Variants in CLDN16 observed in about 807,000 individuals in gnomAD.
The protein encoded by CLDN16 is claudin 16, also known as claudin-16.
A neutral mutation model predicts 24.6 loss-of-function variants in CLDN16; 13 were observed. The ratio of observed to expected loss-of-function variants is 0.53; its 90% CI spans 0.34 to 0.84. The LOEUF is 0.84. Ranked by LOEUF, CLDN16 falls within the 40% of genes least tolerant of loss-of-function variation. The probability of loss-of-function intolerance (pLI) is 0.01; values close to 1 mark genes in which losing one functional copy is unlikely to be tolerated. For synonymous variants in CLDN16, 116 were observed against 106.7 expected (o/e 1.09, Z -0.54); for missense variants, 298 against 292.7 (o/e 1.02, Z -0.13).
At chr3:190,386,708 A>C (rs1262772943), upstream of CLDN16, among the ~76,000 whole-genome samples, 1 of 152,190 alleles carries the variant, frequency 6.6e-6, no homozygotes, top group African/African-American at 2.4e-5. Context: ...GAAATTCTGG[A>C]TAGCAGGGGT....
chr3:190,315,865 G>A, the CLDN16 span, among the ~76,000 whole-genome samples: 4 of 151,998 alleles, frequency 2.6e-5, no homozygotes, highest in Admixed American at 6.6e-5. Flanking sequence ...CTCATGAGTC[G>A]GACTGTGTAA....
intron 1 of CLDN16, among the ~76,000 whole-genome samples, chr3:190,327,983 G>A (rs950670063): frequency 1.3e-5 from 2 of 152,140 alleles, no homozygotes; most frequent in Admixed American, 6.6e-5. Flanking sequence ...GCAATGCGAT[G>A]AAGATCATAA....
Position 190,404,941 on chromosome 3 carries a change from G to A in CLDN16, c.382+15G>A. 1 of 1,613,540 alleles carries A rather than the reference G, an allele frequency of 6.2e-7. No individual in the cohort carries two copies. Among genetic ancestry groups the A allele is most frequent in the Non-Finnish European group, 8.5e-7 (1 of 1,179,614 alleles). ...ACTAATAGCAGGTACCGGTCTGGCTGGACTAGCAACAGGGGTAGGGAGACT... is the reference window on the plus strand; with the variant it reads ...ACTAATAGCAGGTACCGGTCTGGCTAGACTAGCAACAGGGGTAGGGAGACT... On this transcript the variant is annotated intron_variant, in intron 3 of 4. Coordinates refer to ENST00000264734, the MANE Select transcript of CLDN16 (RefSeq NM_006580.4).
chr3:190,306,267 T>C, the CLDN16 span: 1 of 152,200 alleles, frequency 6.6e-6, no homozygotes, highest in East Asian at 1.9e-4. Context: ...ACAGAAAGCA[T>C]CGGGCCATAC....
intron 1 of CLDN16, among the ~76,000 whole-genome samples, chr3:190,370,658 G>A (rs1718119541): frequency 6.6e-6 from 1 of 151,896 alleles, no homozygotes; most frequent in Non-Finnish European, 1.5e-5. Flanking sequence ...TTAATACTGA[G>A]TGTCAACTTG....
At chr3:190,310,374 T>A in the CLDN16 span, 5 of 714,832 alleles carry the variant, frequency 7.0e-6, no homozygotes, top group Non-Finnish European at 9.8e-6. Flanking sequence ...TTGACATTTT[T>A]ATTTTGGTAT....
the CLDN16 span, among the ~76,000 whole-genome samples, chr3:190,290,401 G>T: frequency 3.3e-5 from 5 of 152,292 alleles, no homozygotes; most frequent in Admixed American, 6.5e-5. Flanking sequence ...TAAAAGAATG[G>T]CCACTTGTAG....
intron 2 of CLDN16, among the ~76,000 whole-genome samples, chr3:190,403,712 G>T (rs575446989): frequency 1.3e-5 from 2 of 152,198 alleles, no homozygotes; most frequent in South Asian, 2.1e-4. Flanking sequence ...AGTTGGGTGC[G>T]TGGAACATTT....
chr3:190,409,402 G>T (rs956346492), intron 4 of CLDN16, among the ~76,000 whole-genome samples: 1 of 151,062 alleles, frequency 6.6e-6, no homozygotes, highest in African/African-American at 2.4e-5. Context: ...CATATATGTA[G>T]ATATACATAT....
At chr3:190,351,188 T>C (rs1717665273) in intron 1 of CLDN16, among the ~76,000 whole-genome samples, 1 of 152,046 alleles carries the variant, frequency 6.6e-6, no homozygotes, top group Non-Finnish European at 1.5e-5. Context: ...ATTGGAAGCT[T>C]CCTGAGTCCC....
At chr3:190,400,778 G>A (rs1172964169) in intron 1 of CLDN16, among the ~76,000 whole-genome samples, 2 of 152,136 alleles carry the variant, frequency 1.3e-5, no homozygotes, top group Non-Finnish European at 2.9e-5. Context: ...GTCACAAAGA[G>A]CATGGAGGTG....
At chr3:190,353,163 A>G (rs1200223203) in intron 1 of CLDN16, among the ~76,000 whole-genome samples, 2 of 152,116 alleles carry the variant, frequency 1.3e-5, no homozygotes, top group Admixed American at 1.3e-4. Context: ...CCAGTCAGCA[A>G]TCCTGTAAGT....
chr3:190,356,031 A>G (rs1717763882), intron 1 of CLDN16, among the ~76,000 whole-genome samples: 1 of 151,724 alleles, frequency 6.6e-6, no homozygotes, highest in Non-Finnish European at 1.5e-5. Flanking sequence ...GGTCCAGTTC[A>G]GATTTAGTGA....
At chr3:190,298,429 G>A in the CLDN16 span, among the ~76,000 whole-genome samples, 6 of 148,376 alleles carry the variant, frequency 4.0e-5, no homozygotes, top group African/African-American at 7.5e-5. Context: ...ATGATATTAC[G>A]TGCAATGTGT....
chr3:190,368,849 A>G (rs993467610), intron 1 of CLDN16, among the ~76,000 whole-genome samples: 1 of 151,924 alleles, frequency 6.6e-6, no homozygotes, highest in African/African-American at 2.4e-5. Context: ...TAAGCTAGCC[A>G]AACCCTTTTA....
intron 3 of CLDN16, chr3:190,374,638 C>G (rs774093892): frequency 6.6e-6 from 1 of 151,942 alleles, no homozygotes; most frequent in Non-Finnish European, 1.5e-5. Context: ...TTTCCCACAT[C>G]TAGACATTAG....
upstream of CLDN16, chr3:190,322,517 C>T: frequency 1.9e-5 from 7 of 370,598 alleles, no homozygotes; most frequent in East Asian, 5.9e-5. Flanking sequence ...GGAGCGCCCC[C>T]TGGCGGTTTC....
chr3:190,400,025 C>T (rs1279193065), intron 1 of CLDN16, among the ~76,000 whole-genome samples: 2 of 152,148 alleles, frequency 1.3e-5, no homozygotes, highest in Non-Finnish European at 2.9e-5. Flanking sequence ...AAAAGCATCC[C>T]CAACCCCCTA....
the CLDN16 span, chr3:190,307,751 AG>A: frequency 6.5e-6 from 1 of 153,016 alleles, no homozygotes; most frequent in Non-Finnish European, 1.5e-5. Context: ...TTGGTAAATT[AG>A]GCTAGGTCTT....
Sources: gnomAD v4.1 joint callset for allele counts (sites outside exome capture counted in the v4.1 genomes callset) on GRCh38, gnomAD v4.1.1 for gene constraint, MANE v1.5 for transcripts, NCBI Gene and HGNC (gene_info 2026-07-23, HGNC 2026-07-21) for gene names.